The following DLGAP2 variants were observed in gnomAD, a reference collection of about 807,000 sequenced individuals.
DLGAP2 encodes disks large-associated protein 2.
Under a neutral mutation model 100.3 loss-of-function variants are expected in DLGAP2, and 26 were observed. The observed-to-expected ratio is 0.26, with a 90% CI of 0.19 to 0.36. The LOEUF (loss-of-function observed/expected upper bound fraction) is 0.36, where lower values mean the gene tolerates loss of function less well. Among genes scored for constraint, DLGAP2 ranks in the 10% least tolerant of loss-of-function variants. The probability of loss-of-function intolerance (pLI) is 1.00; values close to 1 mark genes in which losing one functional copy is unlikely to be tolerated. For missense variants in DLGAP2, 1,858 were observed against 1,453.2 expected, an observed-to-expected ratio of 1.28 and a Z score of -4.53; for synonymous variants, 886 against 630.1, an observed-to-expected ratio of 1.41 and a Z score of -6.08.
At chr8:847,918 G>A (rs1797100946) in intron 1 of DLGAP2, among the ~76,000 whole-genome samples, 1 of 151,986 alleles carries the variant, frequency 6.6e-6, no homozygotes, top group Admixed American at 6.6e-5. Flanking sequence ...TTGACTTTTA[G>A]CTTGGATGCT....
At chr8:1,234,443 A>C (rs986490977) in intron 2 of DLGAP2, among the ~76,000 whole-genome samples, 1 of 152,184 alleles carries the variant, frequency 6.6e-6, no homozygotes, top group Non-Finnish European at 1.5e-5. Flanking sequence ...TTCCAGTGTC[A>C]GCTTTTCATA....
chr8:1,518,732 T>C (rs1284165604), intron 4 of DLGAP2, among the ~76,000 whole-genome samples: 2 of 152,208 alleles, frequency 1.3e-5, no homozygotes, highest in Non-Finnish European at 2.9e-5. Flanking sequence ...CTCCAAATAT[T>C]GTGATAATAT....
At chr8:825,419 C>T (rs1333873060) in intron 1 of DLGAP2, among the ~76,000 whole-genome samples, 1 of 152,204 alleles carries the variant, frequency 6.6e-6, no homozygotes, top group Non-Finnish European at 1.5e-5. Context: ...AGAAGCTGGC[C>T]TCTGCCCGGA....
chr8:1,354,541 A>T (rs1228647897), intron 3 of DLGAP2, among the ~76,000 whole-genome samples: 1 of 152,102 alleles, frequency 6.6e-6, no homozygotes, highest in Non-Finnish European at 1.5e-5. Flanking sequence ...AAAAGAAAAT[A>T]CCTTGGAATG....
At chr8:786,140 C>G (rs972267434) in intron 1 of DLGAP2, among the ~76,000 whole-genome samples, 2 of 152,224 alleles carry the variant, frequency 1.3e-5, no homozygotes, top group Admixed American at 1.3e-4. Flanking sequence ...GCTGGGCCGG[C>G]GCAGGGGCAG....
At chr8:1,209,200 A>G (rs529116107) in intron 2 of DLGAP2, among the ~76,000 whole-genome samples, 1 of 152,316 alleles carries the variant, frequency 6.6e-6, no homozygotes, top group East Asian at 1.9e-4. Flanking sequence ...CCAAAGCAAG[A>G]CTAAGCAAAA....
chr8:1,694,398 C>G (rs1370818574), intron 13 of DLGAP2, among the ~76,000 whole-genome samples: 1 of 152,192 alleles, frequency 6.6e-6, no homozygotes, highest in African/African-American at 2.4e-5. Context: ...TAGAAAATGT[C>G]AGAACCCCAG....
At chr8:1,172,462 A>G (rs1178186019) in intron 2 of DLGAP2, among the ~76,000 whole-genome samples, 1 of 152,082 alleles carries the variant, frequency 6.6e-6, no homozygotes, top group Admixed American at 6.5e-5. Context: ...TCTCCTGGAT[A>G]ATATCCTGCA....
chr8:1,313,589 T>C (rs1391919561), intron 3 of DLGAP2, among the ~76,000 whole-genome samples: 6 of 152,122 alleles, frequency 3.9e-5, no homozygotes, highest in Non-Finnish European at 5.9e-5. Flanking sequence ...ACCATAACAC[T>C]TCCTCAGGCC....
chr8:1,698,208 C>T (rs969152435), intron 14 of DLGAP2, among the ~76,000 whole-genome samples: 5 of 152,146 alleles, frequency 3.3e-5, no homozygotes, highest in Admixed American at 1.3e-4. Context: ...TCATCCCAGA[C>T]GACAGGGGAG....
intron 2 of DLGAP2, among the ~76,000 whole-genome samples, chr8:1,100,130 G>A (rs1347998397): frequency 2.0e-5 from 3 of 149,116 alleles, no homozygotes; most frequent in African/African-American, 7.3e-5. Flanking sequence ...AGTGTGTGTA[G>A]GGAAAAGCTT....
chr8:1,351,505 G>A (rs1801724199), intron 3 of DLGAP2, among the ~76,000 whole-genome samples: 1 of 58,048 alleles, frequency 1.7e-5, no homozygotes, highest in African/African-American at 4.9e-5. Flanking sequence ...TAGGCTGTGC[G>A]GGTCCTGACT....
chr8:1,256,117 C>A (rs572903747), intron 2 of DLGAP2, among the ~76,000 whole-genome samples: 5 of 122,506 alleles, frequency 4.1e-5, no homozygotes, highest in African/African-American at 1.8e-4. Flanking sequence ...GTGTCCTCTC[C>A]TGCCTGGGTG....
At chr8:1,417,445 GCT>G (rs1488767621) in intron 3 of DLGAP2, among the ~76,000 whole-genome samples, 1 of 152,218 alleles carries the variant, frequency 6.6e-6, no homozygotes, top group African/African-American at 2.4e-5. Context: ...TCTGACTTCA[GCT>G]CTTTGTGTTC....
chr8:1,683,936 GTGTATATATATATGTGTGTATATATATA>G (rs1799037378), intron 12 of DLGAP2, among the ~76,000 whole-genome samples: 20 of 85,872 alleles, frequency 2.3e-4, no homozygotes, highest in Non-Finnish European at 4.2e-5. Flanking sequence ...GTGTATATAT[GTGTATATATATATGTGTGTATATATATA>G]TATATATATA....
At chr8:771,613 G>C (rs1003306547) in intron 1 of DLGAP2, among the ~76,000 whole-genome samples, 1 of 152,220 alleles carries the variant, frequency 6.6e-6, no homozygotes, top group Non-Finnish European at 1.5e-5. Context: ...AGGTGGTTTA[G>C]TTAAGAGTAA....
At chr8:1,475,557 AG>A (rs1798907788) in intron 3 of DLGAP2, among the ~76,000 whole-genome samples, 1 of 152,180 alleles carries the variant, frequency 6.6e-6, no homozygotes, top group Admixed American at 6.5e-5. Context: ...AGCGGCTGGG[AG>A]TAAACGTCTT....
intron 1 of DLGAP2, among the ~76,000 whole-genome samples, chr8:903,883 A>G (rs998058563): frequency 7.9e-5 from 12 of 152,220 alleles, no homozygotes; most frequent in Admixed American, 7.2e-4. Context: ...CCACAGGAAC[A>G]CTTCCCCAGC....
chr8:1,571,351 C>T (rs1318276903), intron 6 of DLGAP2, among the ~76,000 whole-genome samples: 4 of 79,420 alleles, frequency 5.0e-5, no homozygotes, highest in African/African-American at 1.0e-4. Flanking sequence ...ACTGTGGGGG[C>T]ATCTGATGAG....
Sources: allele counts gnomAD v4.1 joint callset (sites outside exome capture counted in the v4.1 genomes callset), GRCh38; gene constraint gnomAD v4.1.1; transcripts MANE v1.5; gene names NCBI Gene and HGNC (gene_info 2026-07-23, HGNC 2026-07-21).